Variants in IL1RAPL1 observed in about 807,000 individuals in gnomAD.
IL1RAPL1 encodes interleukin-1 receptor accessory protein-like 1.
Under a neutral mutation model 48.4 loss-of-function variants are expected in IL1RAPL1, and 3 were observed. That is an observed-to-expected ratio of 0.06 (90% CI 0.03 to 0.16). The LOEUF (loss-of-function observed/expected upper bound fraction) is 0.16. Among genes scored for constraint, IL1RAPL1 ranks in the 10% least tolerant of loss-of-function variants. The pLI is 1.00. For missense variants in IL1RAPL1, 349 were observed against 530.6 expected, an observed-to-expected ratio of 0.66 and a Z score of 3.36; for synonymous variants, 185 against 187.7, an observed-to-expected ratio of 0.99 and a Z score of 0.12.
At chrX:29,862,967 C>T (rs1420082595) in intron 6 of IL1RAPL1, among the ~76,000 whole-genome samples, 4 of 59,824 alleles carry the variant, frequency 6.7e-5, no homozygotes, top group Non-Finnish European at 8.2e-5. Context: ...TCTTGGCATA[C>T]TTAAAAAAAA....
At chrX:29,395,849 A>C (rs1221008830) in intron 3 of IL1RAPL1, among the ~76,000 whole-genome samples, 1 of 112,223 alleles carries the variant, frequency 8.9e-6, no homozygotes, top group Non-Finnish European at 1.9e-5. Flanking sequence ...AGTATGCAGC[A>C]TTATTCCTGA....
chrX:28,945,518 C>T (rs1924275680), intron 2 of IL1RAPL1, among the ~76,000 whole-genome samples: 1 of 110,631 alleles, frequency 9.0e-6, no homozygotes, highest in Admixed American at 9.7e-5. Flanking sequence ...CCAAATAACA[C>T]ATGTTCTCAC....
In IL1RAPL1 at chrX:29,867,468, C is replaced by T. The variant is rs183041924; in HGVS notation, c.779-49996C>T. Among the ~76,000 whole-genome samples, 199 of 111,577 alleles carry T rather than the reference C, an allele frequency of 1.8e-3. 1 individual carries two copies. Among genetic ancestry groups the T allele is most frequent in the African/African-American group, 5.8e-3 (179 of 30,751 alleles). On this transcript the variant is annotated intron_variant, in intron 6 of 10. Coordinates refer to ENST00000378993, the MANE Select transcript of IL1RAPL1 (RefSeq NM_014271.4). The stretch of plus-strand genomic sequence containing the variant: ...CCTAGGCCCTTTTTTGCCATTCCAC[C>T]ACTTGAGGACACAGCATTCAAGGCA...
chrX:29,150,836 C>T lies in IL1RAPL1; in HGVS notation c.83-132102C>T, dbSNP rs192349264. On this transcript the variant is annotated intron_variant, in intron 2 of 10. Coordinates refer to ENST00000378993, the MANE Select transcript of IL1RAPL1 (RefSeq NM_014271.4). ...ACTCAGGAGGCCGAGGCAGGAGAATCGCTTGAAACCGGGAGGCGGAGGTTG... is the reference window on the plus strand; with the variant it reads ...ACTCAGGAGGCCGAGGCAGGAGAATTGCTTGAAACCGGGAGGCGGAGGTTG... Among the ~76,000 whole-genome samples the T allele has an allele frequency of 4.2e-3, 441 of 106,254 alleles. 1 individual carries two copies. The highest frequency in any genetic ancestry group is 5.7e-3 in the Non-Finnish European group (294 of 51,773). The allele number at this position is 106,254 out of a possible 115,157, so 92.3% of individuals were successfully genotyped here. A position where few individuals can be genotyped will look rare whatever the true frequency, so the allele number is the denominator to read the frequency against.
intron 5 of IL1RAPL1, among the ~76,000 whole-genome samples, chrX:29,576,923 T>A (rs1346907175): frequency 1.8e-5 from 2 of 111,751 alleles, no homozygotes; most frequent in African/African-American, 6.5e-5. Context: ...TCAGTAAATT[T>A]TTCTACTTCA....
At chrX:29,479,541 A>G (rs1426739554) in intron 5 of IL1RAPL1, among the ~76,000 whole-genome samples, 1 of 109,564 alleles carries the variant, frequency 9.1e-6, no homozygotes, top group African/African-American at 3.3e-5. Context: ...TTAAGTTTCA[A>G]TAGTTTGAGA....
rs758348195 is a variant in IL1RAPL1, at chrX:29,187,126, C to T, written c.83-95812C>T. ...ATCCCTGAACTTAAAAGTTGGAAAT[C>T]CAAAATAAAAATAAAGAAACTTGTT... is the stretch of plus-strand genomic sequence containing the variant. On this transcript the variant is annotated intron_variant, in intron 2 of 10. Transcript: ENST00000378993. 2.7e-5 allele frequency among the ~76,000 whole-genome samples: 3 copies of T among 111,740 alleles called. No individual in the cohort carries two copies. In the East Asian group the frequency reaches 8.4e-4, roughly 31 times the overall value.
At chrX:29,233,007 C>A (rs145864802) in intron 2 of IL1RAPL1, among the ~76,000 whole-genome samples, 1,123 of 110,848 alleles carry the variant, frequency 0.01, 14 homozygotes, top group African/African-American at 0.035. Flanking sequence ...CCATGTTGGC[C>A]AGGCTGGTCT....
At chrX:29,420,631 G>A (rs1368888752) in intron 5 of IL1RAPL1, among the ~76,000 whole-genome samples, 1 of 111,978 alleles carries the variant, frequency 8.9e-6, no homozygotes. Flanking sequence ...TAAGGCCCTC[G>A]AGCCACGACT....
chrX:28,961,484 T>G (rs1029142862), intron 2 of IL1RAPL1, among the ~76,000 whole-genome samples: 1 of 111,222 alleles, frequency 9.0e-6, no homozygotes, highest in Non-Finnish European at 1.9e-5. Flanking sequence ...TTTGTCCTAA[T>G]GCTCTCCCAC....
At chrX:29,228,778 G>A (rs766563451) in intron 2 of IL1RAPL1, among the ~76,000 whole-genome samples, 96 of 111,997 alleles carry the variant, frequency 8.6e-4, no homozygotes, top group African/African-American at 3.0e-3. Flanking sequence ...GTAGTCTTCC[G>A]TGGACTGGCT....
At chrX:28,606,292 T>G (rs1466069618) in intron 1 of IL1RAPL1, among the ~76,000 whole-genome samples, 1 of 112,197 alleles carries the variant, frequency 8.9e-6, no homozygotes, top group Non-Finnish European at 1.9e-5. Flanking sequence ...AGTTAGAGCA[T>G]TTTTTCACAG....
At chrX:28,840,578 A>G (rs1921343448) in intron 2 of IL1RAPL1, among the ~76,000 whole-genome samples, 2 of 111,435 alleles carry the variant, frequency 1.8e-5, no homozygotes, top group African/African-American at 6.5e-5. Context: ...AACATGTACA[A>G]TTAATTTAAT....
chrX:28,596,392 C>T (rs369817150), intron 1 of IL1RAPL1, among the ~76,000 whole-genome samples: 1 of 108,971 alleles, frequency 9.2e-6, no homozygotes, highest in African/African-American at 3.3e-5. Context: ...CCTTTCCTCC[C>T]CCTTCCTTCC....
intron 5 of IL1RAPL1, among the ~76,000 whole-genome samples, chrX:29,499,377 CT>C (rs1219812070): frequency 2.7e-5 from 3 of 110,661 alleles, no homozygotes; most frequent in Non-Finnish European, 5.7e-5. Context: ...CGTTTCCTCA[CT>C]TTTTTTTTCT....
At chrX:29,334,737 T>G (rs1368492883) in intron 3 of IL1RAPL1, among the ~76,000 whole-genome samples, 36 of 110,105 alleles carry the variant, frequency 3.3e-4, no homozygotes, top group African/African-American at 1.2e-3. Flanking sequence ...GCAGAGACGC[T>G]CCTCACTTCC....
At chrX:28,588,952 A>G (rs1366921282) in intron 1 of IL1RAPL1, among the ~76,000 whole-genome samples, 1 of 111,826 alleles carries the variant, frequency 8.9e-6, no homozygotes, top group Non-Finnish European at 1.9e-5. Context: ...CCTAACCTTA[A>G]GTTGAAGATG....
chrX:29,630,844 A>G (rs1406314368), intron 5 of IL1RAPL1, among the ~76,000 whole-genome samples: 1 of 112,413 alleles, frequency 8.9e-6, no homozygotes, highest in African/African-American at 3.2e-5. Flanking sequence ...AGCCCTCTCC[A>G]GACATTATTT....
intron 5 of IL1RAPL1, among the ~76,000 whole-genome samples, chrX:29,556,971 T>G (rs1031494296): frequency 4.5e-5 from 5 of 111,437 alleles, no homozygotes; most frequent in African/African-American, 1.6e-4. Context: ...AGCAACTTTG[T>G]TTTTGATTTA....
Sources: gnomAD v4.1 joint callset for allele counts (sites outside exome capture counted in the v4.1 genomes callset) on GRCh38, gnomAD v4.1.1 for gene constraint, MANE v1.5 for transcripts, NCBI Gene and HGNC (gene_info 2026-07-23, HGNC 2026-07-21) for gene names.